Variants in KDM7A observed in about 807,000 individuals in gnomAD.
KDM7A encodes lysine-specific demethylase 7A.
A neutral mutation model predicts 114.8 loss-of-function variants in KDM7A; 28 were observed. The ratio of observed to expected loss-of-function variants is 0.24; its 90% CI spans 0.18 to 0.33. KDM7A has a LOEUF of 0.33. Ranked by LOEUF, KDM7A falls within the 10% of genes least tolerant of loss-of-function variation. The pLI is 1.00. For synonymous variants in KDM7A, 423 were observed against 397.8 expected, an observed-to-expected ratio of 1.06 and a Z score of -0.75; for missense variants, 942 against 1,142.5, an observed-to-expected ratio of 0.82 and a Z score of 2.53.
intron 1 of KDM7A, among the ~76,000 whole-genome samples, chr7:140,142,968 T>C (rs993888464): frequency 1.3e-5 from 2 of 151,178 alleles, no homozygotes; most frequent in East Asian, 1.9e-4. Flanking sequence ...GATCACGAGG[T>C]CAGGAGATCG....
At chr7:140,156,634 T>C (rs1399931929) in intron 1 of KDM7A, among the ~76,000 whole-genome samples, 1 of 152,172 alleles carries the variant, frequency 6.6e-6, no homozygotes, top group Non-Finnish European at 1.5e-5. Flanking sequence ...GAGAGGAAGC[T>C]AGGTATTTAT....
At chr7:140,150,570 C>A (rs1257885299) in intron 1 of KDM7A, among the ~76,000 whole-genome samples, 1 of 152,154 alleles carries the variant, frequency 6.6e-6, no homozygotes, top group Non-Finnish European at 1.5e-5. Context: ...GCGATCCCCT[C>A]ATCCCTATGT....
chr7:140,176,657 C>T lies in KDM7A; in HGVS notation c.194+87G>A. On this transcript the variant is annotated intron_variant, in intron 1 of 19. Coordinates refer to ENST00000397560, the MANE Select transcript of KDM7A (RefSeq NM_030647.2). This position sits in a 1 kb window ranked among gnomAD's most constrained non-coding sequence, Gnocchi z 4.4. ...AGCTGGGCGCGGCGCGGCGGCCCGG[C>T]CCGAGGGAGGCGCGGGCGGCCGGCG... is the stretch of plus-strand genomic sequence containing the variant. 2.7e-5 allele frequency: 26 copies of T among 964,380 alleles called. No individual in the cohort carries two copies. The highest frequency in any genetic ancestry group is 3.2e-5 in the Non-Finnish European group (26 of 800,388). 59.7% of individuals were successfully genotyped at this position (964,380 alleles called of 1,614,324 possible). A position where few individuals can be genotyped will look rare whatever the true frequency, so the allele number is the denominator to read the frequency against.
intron 7 of KDM7A, among the ~76,000 whole-genome samples, chr7:140,121,647 G>A (rs1023834062): frequency 6.6e-6 from 1 of 152,148 alleles, no homozygotes; most frequent in African/African-American, 2.4e-5. Flanking sequence ...TTTGTGAGTG[G>A]GAGCCAGGAG....
chr7:140,114,354 G>A (rs1193077035), intron 9 of KDM7A, among the ~76,000 whole-genome samples: 50 of 152,138 alleles, frequency 3.3e-4, no homozygotes, highest in Non-Finnish European at 1.5e-5. Flanking sequence ...TTTTTTGGTG[G>A]AGACGGGGTT....
Position 140,102,023 on chromosome 7 carries a change from A to G in KDM7A, c.1566T>C (p.Pro522=). The change falls in exon 12 of 20, where the codon CCT becomes CCC. Residue 522 remains proline, a synonymous_variant. Coordinates refer to ENST00000397560, the MANE Select transcript of KDM7A (RefSeq NM_030647.2). The part of the protein sequence containing the change: ...RKLRDHNVRT[P]SNLDILELHT... ...GGAGCTCTAGGATGTCTAGGTTAGAAGGAGTTCGGACATTATGATCTCGAA... is the reference window on the plus strand; with the variant it reads ...GGAGCTCTAGGATGTCTAGGTTAGAGGGAGTTCGGACATTATGATCTCGAA... The G allele has an allele frequency of 6.2e-7, 1 of 1,614,088 alleles. No homozygotes were observed. Among genetic ancestry groups the G allele is most frequent in the Non-Finnish European group, 8.5e-7 (1 of 1,179,918 alleles).
chr7:140,088,221 G>A lies in KDM7A; in HGVS notation c.*2873C>T, dbSNP rs1817965194. 1 of 310,470 alleles carries A rather than the reference G, an allele frequency of 3.2e-6. No homozygotes were observed. Among genetic ancestry groups the A allele is most frequent in the Non-Finnish European group, 5.8e-6 (1 of 171,014 alleles). 19.2% of individuals were successfully genotyped at this position (310,470 alleles called of 1,614,324 possible). On this transcript the variant is annotated 3_prime_UTR_variant, in exon 20 of 20. Coordinates refer to ENST00000397560, the MANE Select transcript of KDM7A (RefSeq NM_030647.2). ...CTTATGAAGTTCAATGTATTTCTAG[G>A]ATACTGAACTACTACAAACTGCCAA... is the stretch of plus-strand genomic sequence containing the variant.
intron 2 of KDM7A, among the ~76,000 whole-genome samples, chr7:140,136,733 G>A (rs750356424): frequency 6.6e-6 from 1 of 152,180 alleles, no homozygotes; most frequent in African/African-American, 2.4e-5. Context: ...GGCCTAAGAG[G>A]CCAGGCGCAG....
Position 140,137,005 on chromosome 7 carries a change from T to TA in KDM7A, c.280+2099dup, listed in dbSNP as rs57147468. Among the ~76,000 whole-genome samples the TA allele has an allele frequency of 4.4e-3, 625 of 142,110 alleles. 4 individuals carry two copies. The highest frequency in any genetic ancestry group is 5.1e-3 in the African/African-American group (200 of 38,944). 93.2% of individuals were successfully genotyped at this position (142,110 alleles called of 152,430 possible). On this transcript the variant is annotated intron_variant, in intron 2 of 19. Transcript: ENST00000397560. ...CCGTCTCAAAAAATAAAAAATAAATTAAAAAAAAAAAAAGAGAGAAGCTTA... is the reference window on the plus strand; with the variant it reads ...CCGTCTCAAAAAATAAAAAATAAATTAAAAAAAAAAAAAAGAGAGAAGCTTA...
At chr7:140,136,531 G>A (rs1034781920) in intron 2 of KDM7A, among the ~76,000 whole-genome samples, 5 of 152,196 alleles carry the variant, frequency 3.3e-5, no homozygotes, top group African/African-American at 1.2e-4. Context: ...AGAAGACAGA[G>A]AATACATATT....
intron 19 of KDM7A, 83 bp downstream of exon 19, chr7:140,091,721 G>GT: frequency 7.0e-7 from 1 of 1,438,438 alleles, no homozygotes; most frequent in Non-Finnish European, 9.7e-7. Flanking sequence ...AACAACTTGA[G>GT]TGCAGAGACT....
chr7:140,176,791 G>T lies in KDM7A; in HGVS notation c.147C>A (p.Asn49Lys). ...AGATATCGCACTCGATCATGAAGCGGTTCACGTCGTACGGCTGCCGGCACA... is the reference window on the plus strand; with the variant it reads ...AGATATCGCACTCGATCATGAAGCGTTTCACGTCGTACGGCTGCCGGCACA... ...YCVCRQPYDV[N>K]RFMIECDICK... Residue 49 changes from asparagine to lysine, a missense_variant, in exon 1 of 20, where the codon AAC becomes AAA. By Grantham distance (94) the Asn-to-Lys change is moderately conservative. Coordinates refer to ENST00000397560, the MANE Select transcript of KDM7A (RefSeq NM_030647.2). This position sits in a 1 kb window ranked among gnomAD's most constrained non-coding sequence, Gnocchi z 4.4. 7.0e-7 allele frequency: 1 copy of T among 1,423,020 alleles called. No individual in the cohort carries two copies. Among genetic ancestry groups the T allele is most frequent in the Middle Eastern group, 1.9e-4 (1 of 5,174 alleles). The allele number at this position is 1,423,020 out of a possible 1,614,324, so 88.1% of individuals were successfully genotyped here.
At chr7:140,171,644 A>T (rs917071215) in intron 1 of KDM7A, among the ~76,000 whole-genome samples, 1 of 145,662 alleles carries the variant, frequency 6.9e-6, no homozygotes, top group African/African-American at 2.5e-5. Context: ...TATTTATTTT[A>T]TATATATTTA....
chr7:140,176,848 C>T lies in KDM7A; in HGVS notation c.90G>A (p.Ser30=), dbSNP rs1794717289. ...AVSVAAPGRA[S]APPPPPPVYC... ...ACACGGGCGGGGGCGGCGGAGGCGC[C>T]GAGGCCCGGCCGGGAGCCGCCACCG... The change falls in exon 1 of 20, where the codon TCG becomes TCA. Residue 30 remains serine (S), a synonymous_variant. Transcript: ENST00000397560. This position sits in a 1 kb window ranked among gnomAD's most constrained non-coding sequence, Gnocchi z 4.4. 4 of 1,312,150 alleles carry T rather than the reference C, an allele frequency of 3.0e-6. No individual in the cohort carries two copies. The East Asian group carries it at 1.1e-4, about 35-fold the overall frequency. 81.3% of individuals were successfully genotyped at this position (1,312,150 alleles called of 1,614,324 possible).
intron 18 of KDM7A, 72 bp downstream of exon 18, chr7:140,093,984 T>C: frequency 3.1e-6 from 3 of 961,238 alleles, no homozygotes; most frequent in Non-Finnish European, 5.1e-6. Context: ...GTTACAGTTT[T>C]AAAAAAGAAA....
chr7:140,162,925 T>C (rs1794535931), intron 1 of KDM7A, among the ~76,000 whole-genome samples: 1 of 152,048 alleles, frequency 6.6e-6, no homozygotes, highest in Non-Finnish European at 1.5e-5. Flanking sequence ...CTGTACATGC[T>C]GATATGAGAA....
chr7:140,133,137 T>C (rs1818816582), intron 3 of KDM7A, among the ~76,000 whole-genome samples: 1 of 151,998 alleles, frequency 6.6e-6, no homozygotes, highest in African/African-American at 2.4e-5. Flanking sequence ...ATAAAAGCAA[T>C]GGAGAAAAAG....
chr7:140,172,627 T>C (rs1420335612), intron 1 of KDM7A, among the ~76,000 whole-genome samples: 3 of 151,744 alleles, frequency 2.0e-5, no homozygotes, highest in African/African-American at 7.3e-5. Context: ...CACTCCAGCC[T>C]GGGCGACAGA....
intron 1 of KDM7A, among the ~76,000 whole-genome samples, chr7:140,175,705 C>G (rs114619924): frequency 6.6e-6 from 1 of 152,140 alleles, no homozygotes; most frequent in East Asian, 1.9e-4. Context: ...GGAGGCGGCC[C>G]GAGCTCTCAA....
Sources: gnomAD v4.1 joint callset for allele counts (sites outside exome capture counted in the v4.1 genomes callset) on GRCh38, gnomAD v4.1.1 for gene constraint, Gnocchi (gnomAD v3.1) non-coding constraint, MANE v1.5 for transcripts, NCBI Gene and HGNC (gene_info 2026-07-23, HGNC 2026-07-21) for gene names.